The following FHIT variants were observed in gnomAD, a reference collection of about 807,000 sequenced individuals.
The protein encoded by FHIT is bis(5'-adenosyl)-triphosphatase.
Under a neutral mutation model 17.9 loss-of-function variants are expected in FHIT, and 19 were observed. The observed-to-expected ratio is 1.06, with a 90% confidence interval of 0.74 to 1.56. The LOEUF (loss-of-function observed/expected upper bound fraction) is 1.56, where lower values mean the gene tolerates loss of function less well. Among genes scored for constraint, FHIT ranks in the 40% most tolerant of loss-of-function variants. The pLI, the probability that FHIT is intolerant of heterozygous loss-of-function variation, is 0.00. For missense variants in FHIT, 248 were observed against 189.2 expected, an observed-to-expected ratio of 1.31 and a Z score of -1.82; for synonymous variants, 81 against 69.7, an observed-to-expected ratio of 1.16 and a Z score of -0.81.
At chr3:61,028,225 A>C (rs1003557298) in intron 3 of FHIT, among the ~76,000 whole-genome samples, 1 of 152,228 alleles carries the variant, frequency 6.6e-6, no homozygotes, top group African/African-American at 2.4e-5. Flanking sequence ...TATTCTATGG[A>C]AACGCAACTT....
At chr3:60,924,321 C>T (rs1354530848) in intron 3 of FHIT, among the ~76,000 whole-genome samples, 1 of 152,336 alleles carries the variant, frequency 6.6e-6, no homozygotes, top group East Asian at 1.9e-4. Flanking sequence ...TAGGGGCAGA[C>T]TGACACCTCA....
At chr3:60,901,950 T>G (rs1217727063) in intron 3 of FHIT, among the ~76,000 whole-genome samples, 8 of 152,226 alleles carry the variant, frequency 5.3e-5, no homozygotes, top group Non-Finnish European at 1.2e-4. Flanking sequence ...TTTGTTTTTT[T>G]GTACCTCCTC....
intron 3 of FHIT, among the ~76,000 whole-genome samples, chr3:60,901,951 G>C (rs1706137047): frequency 6.6e-6 from 1 of 151,928 alleles, no homozygotes; most frequent in African/African-American, 2.4e-5. Flanking sequence ...TTGTTTTTTT[G>C]TACCTCCTCA....
At chr3:60,843,771 G>A (rs561526485) in intron 3 of FHIT, among the ~76,000 whole-genome samples, 19 of 152,268 alleles carry the variant, frequency 1.2e-4, no homozygotes, top group East Asian at 5.8e-4. Context: ...TGAAAGACAC[G>A]AGCACACCAT....
At chr3:60,391,166 C>T (rs576578480) in intron 5 of FHIT, among the ~76,000 whole-genome samples, 4 of 150,896 alleles carry the variant, frequency 2.7e-5, no homozygotes, top group South Asian at 2.1e-4. Context: ...CCAGCCTGGG[C>T]GACAGAGTGA....
At chr3:60,401,993 G>C (rs954837260) in intron 5 of FHIT, among the ~76,000 whole-genome samples, 4 of 152,024 alleles carry the variant, frequency 2.6e-5, no homozygotes, top group African/African-American at 9.7e-5. Context: ...CTTTAAAATG[G>C]TCAGTCTGTC....
At chr3:60,171,733 G>A (rs558348875) in intron 5 of FHIT, among the ~76,000 whole-genome samples, 4 of 152,126 alleles carry the variant, frequency 2.6e-5, no homozygotes, top group African/African-American at 9.6e-5. Flanking sequence ...ACAGGATCCT[G>A]TCCTGTATAC....
intron 4 of FHIT, among the ~76,000 whole-genome samples, chr3:60,670,744 A>G (rs62251494): frequency 0.041 from 6,226 of 152,334 alleles, 147 homozygotes; most frequent in South Asian, 0.099. Context: ...TTTGAAAGCA[A>G]GCAATGTTCC....
intron 5 of FHIT, among the ~76,000 whole-genome samples, chr3:60,301,679 T>C (rs1421030338): frequency 2.6e-5 from 4 of 152,198 alleles, no homozygotes; most frequent in Non-Finnish European, 5.9e-5. Flanking sequence ...ATTGTTCTGA[T>C]ACTCTTTAAC....
chr3:60,924,117 A>T (rs993251162), intron 3 of FHIT, among the ~76,000 whole-genome samples: 2 of 151,976 alleles, frequency 1.3e-5, no homozygotes, highest in Non-Finnish European at 1.5e-5. Context: ...GCCTCTGTAG[A>T]CTCCACCTCT....
chr3:60,001,453 T>C (rs914799564), intron 7 of FHIT, among the ~76,000 whole-genome samples: 1 of 152,094 alleles, frequency 6.6e-6, no homozygotes, highest in Non-Finnish European at 1.5e-5. Flanking sequence ...AATAAATTAA[T>C]GAATGAATGC....
At chr3:61,063,355 C>T (rs1485250751) in intron 2 of FHIT, among the ~76,000 whole-genome samples, 1 of 151,562 alleles carries the variant, frequency 6.6e-6, no homozygotes, top group Non-Finnish European at 1.5e-5. Context: ...GATGTGAATA[C>T]AAGGCCACAA....
At chr3:60,106,703 AG>A (rs1389936673) in intron 5 of FHIT, among the ~76,000 whole-genome samples, 2 of 152,166 alleles carry the variant, frequency 1.3e-5, no homozygotes, top group Non-Finnish European at 2.9e-5. Context: ...ATCTTCCCAA[AG>A]GGTGCATGTA....
At chr3:60,519,388 G>A (rs1202497098) in intron 5 of FHIT, among the ~76,000 whole-genome samples, 1 of 152,150 alleles carries the variant, frequency 6.6e-6, no homozygotes, top group Non-Finnish European at 1.5e-5. Flanking sequence ...TATATTTACA[G>A]TTGGCCCTTG....
At chr3:60,393,564 TCA>T (rs962682864) in intron 5 of FHIT, among the ~76,000 whole-genome samples, 1 of 152,032 alleles carries the variant, frequency 6.6e-6, no homozygotes, top group African/African-American at 2.4e-5. Flanking sequence ...AGATCCTTCC[TCA>T]CACACTGTGG....
intron 5 of FHIT, among the ~76,000 whole-genome samples, chr3:60,193,323 G>A (rs1490186255): frequency 6.6e-6 from 1 of 152,164 alleles, no homozygotes; most frequent in East Asian, 1.9e-4. Context: ...AGGTTTCAAT[G>A]CATGTAAGAG....
intron 2 of FHIT, among the ~76,000 whole-genome samples, chr3:61,104,381 G>A (rs148456313): frequency 0.012 from 1,891 of 152,256 alleles, 16 homozygotes; most frequent in Middle Eastern, 0.048. Context: ...CTTTAAAACT[G>A]TTGAACATTG....
intron 5 of FHIT, among the ~76,000 whole-genome samples, chr3:60,389,873 C>T (rs1701153753): frequency 1.3e-5 from 2 of 152,166 alleles, no homozygotes; most frequent in South Asian, 4.2e-4. Flanking sequence ...CTGTCCACCT[C>T]CACATTTTTC....
At chr3:60,240,255 G>A (rs1028362414) in intron 5 of FHIT, among the ~76,000 whole-genome samples, 1 of 152,114 alleles carries the variant, frequency 6.6e-6, no homozygotes, top group African/African-American at 2.4e-5. Flanking sequence ...CAGAGCATTA[G>A]TAGGAGAGAA....
Sources: allele counts gnomAD v4.1 joint callset (sites outside exome capture counted in the v4.1 genomes callset), GRCh38; gene constraint gnomAD v4.1.1; transcripts MANE v1.5; gene names NCBI Gene and HGNC (gene_info 2026-07-23, HGNC 2026-07-21).